WDR72: variants seen among roughly 807,000 people sequenced by gnomAD.
WDR72 encodes WD repeat domain 72.
In WDR72, 120 loss-of-function variants were observed where a neutral mutation model predicts 124.2. The ratio of observed to expected loss-of-function variants is 0.97; its 90% CI spans 0.83 to 1.12. The LOEUF (loss-of-function observed/expected upper bound fraction) is 1.12. Among genes scored for constraint, WDR72 ranks in the 50% most tolerant of loss-of-function variants. The probability of loss-of-function intolerance (pLI) is 0.00; values close to 1 mark genes in which losing one functional copy is unlikely to be tolerated. For missense variants in WDR72, 1,387 were observed against 1,278.8 expected, an observed-to-expected ratio of 1.08 and a Z score of -1.29; for synonymous variants, 452 against 441.7, an observed-to-expected ratio of 1.02 and a Z score of -0.29.
At chr15:53,531,426 C>T (rs991309057) in intron 18 of WDR72, among the ~76,000 whole-genome samples, 1 of 152,018 alleles carries the variant, frequency 6.6e-6, no homozygotes, top group Non-Finnish European at 1.5e-5. Context: ...TGTAGGCACT[C>T]ATTTAAAAGT....
chr15:53,750,629 C>T (rs1288493851), intron 1 of WDR72, among the ~76,000 whole-genome samples: 1 of 152,112 alleles, frequency 6.6e-6, no homozygotes, highest in Non-Finnish European at 1.5e-5. Context: ...TGGACAAAGT[C>T]AATTGAAAAC....
rs1289979189 is a variant in WDR72 at position 53,733,292 on chromosome 15, G to A, written c.-12-131C>T. The A allele has an allele frequency of 1.1e-5, 11 of 967,036 alleles. No homozygotes were observed. In the South Asian group the frequency reaches 1.6e-4, roughly 14 times the overall value. 59.9% of individuals were successfully genotyped at this position (967,036 alleles called of 1,614,324 possible). Reference sequence around the variant, plus strand: ...TTCTCCCAGTGCTATGGAAAAGGGTGTTTCCCCGTCAATTAGAAGAGAAAG... The same window carrying A: ...TTCTCCCAGTGCTATGGAAAAGGGTATTTCCCCGTCAATTAGAAGAGAAAG... On this transcript the variant is annotated intron_variant, in intron 1 of 19. Transcript: ENST00000360509.
At chr15:53,549,655 C>A (rs1402933566) in intron 18 of WDR72, among the ~76,000 whole-genome samples, 1 of 151,968 alleles carries the variant, frequency 6.6e-6, no homozygotes, top group Admixed American at 6.6e-5. Flanking sequence ...ACTAAAGGAA[C>A]ATTTCAATGG....
chr15:53,714,727 C>T (rs1416455158), intron 5 of WDR72, among the ~76,000 whole-genome samples: 2 of 152,172 alleles, frequency 1.3e-5, no homozygotes, highest in Non-Finnish European at 2.9e-5. Context: ...AAGAGCACCA[C>T]TAGAAGCAGA....
At chr15:53,690,667 G>A (rs527630531) in intron 13 of WDR72, among the ~76,000 whole-genome samples, 50 of 152,292 alleles carry the variant, frequency 3.3e-4, no homozygotes, top group Admixed American at 2.6e-4. Context: ...ATTATGATTT[G>A]TTAGATTAAC....
intron 18 of WDR72, among the ~76,000 whole-genome samples, chr15:53,553,171 T>C (rs1312435683): frequency 6.6e-6 from 1 of 152,172 alleles, no homozygotes; most frequent in Admixed American, 6.5e-5. Flanking sequence ...TTTTATTATC[T>C]GGCAAGATAG....
intron 19 of WDR72, among the ~76,000 whole-genome samples, chr15:53,519,497 G>C (rs904244287): frequency 6.6e-6 from 1 of 152,082 alleles, no homozygotes; most frequent in African/African-American, 2.4e-5. Context: ...CAGTGAAGGA[G>C]CAAGTAGACT....
intron 18 of WDR72, among the ~76,000 whole-genome samples, chr15:53,573,655 C>G (rs946801028): frequency 6.6e-6 from 1 of 152,128 alleles, no homozygotes. Flanking sequence ...AAGCGATGCT[C>G]CTGCCTCAGC....
chr15:53,707,895 C>G (rs544771055), intron 9 of WDR72, among the ~76,000 whole-genome samples: 1 of 152,246 alleles, frequency 6.6e-6, no homozygotes, highest in Non-Finnish European at 1.5e-5. Context: ...GTTCCAACTC[C>G]CTGGTTATTC....
rs184165819 is a variant in WDR72, at chr15:53,515,028, C to G, written c.*2671G>C. The G allele has an allele frequency of 9.4e-5, 13 of 137,834 alleles. No homozygotes were observed. The East Asian group carries it at 2.6e-3, about 28-fold the overall frequency. 8.5% of individuals were successfully genotyped at this position (137,834 alleles called of 1,614,324 possible). On this transcript the variant is annotated 3_prime_UTR_variant, in exon 20 of 20. Transcript: ENST00000360509. Reference sequence around the variant, plus strand: ...TATGCCATATATATATATATATACACACATATATATGTGTATATATATGTG... The same window carrying G: ...TATGCCATATATATATATATATACAGACATATATATGTGTATATATATGTG...
At chr15:53,634,256 C>A (rs1158928005) in intron 14 of WDR72, among the ~76,000 whole-genome samples, 2 of 152,152 alleles carry the variant, frequency 1.3e-5, no homozygotes, top group African/African-American at 4.8e-5. Flanking sequence ...GAGGAACAAA[C>A]AACACTACAG....
Position 53,643,686 on chromosome 15 carries a change from C to T in WDR72, c.1962+21886G>A, listed in dbSNP as rs114851494. Among the ~76,000 whole-genome samples, 1,456 of 152,012 alleles carry T rather than the reference C, an allele frequency of 9.6e-3. 33 individuals are homozygous for T. Among genetic ancestry groups the T allele is most frequent in the African/African-American group, 0.034 (1,404 of 41,458 alleles). On this transcript the variant is annotated intron_variant, in intron 14 of 19. Transcript: ENST00000360509. Reference sequence around the variant, plus strand: ...ACCTAGGGCTAGTCTCAGAATAATCCCAGATATTGTTTGCTTAAGTTAAAA... The same window carrying T: ...ACCTAGGGCTAGTCTCAGAATAATCTCAGATATTGTTTGCTTAAGTTAAAA...
chr15:53,649,933 G>A (rs1429154611), intron 14 of WDR72, among the ~76,000 whole-genome samples: 1 of 152,140 alleles, frequency 6.6e-6, no homozygotes, highest in Non-Finnish European at 1.5e-5. Flanking sequence ...TCCAGCAATC[G>A]ACTTCTGGGT....
intron 12 of WDR72, among the ~76,000 whole-genome samples, chr15:53,701,085 GT>G (rs944198918): frequency 6.6e-6 from 1 of 151,916 alleles, no homozygotes; most frequent in Non-Finnish European, 1.5e-5. Flanking sequence ...GGTTGTTCAT[GT>G]TTTTTTTAAG....
intron 1 of WDR72, among the ~76,000 whole-genome samples, chr15:53,736,424 G>A (rs543373373): frequency 6.6e-6 from 1 of 152,304 alleles, no homozygotes; most frequent in South Asian, 2.1e-4. Context: ...ATTGGAGCAG[G>A]AACAAGTGAG....
chr15:53,663,929 T>G (rs2015691785), intron 14 of WDR72, among the ~76,000 whole-genome samples: 1 of 140,662 alleles, frequency 7.1e-6, no homozygotes, highest in Admixed American at 6.7e-5. Context: ...AAGTTAAGAA[T>G]AGGAAAAATA....
intron 1 of WDR72, among the ~76,000 whole-genome samples, chr15:53,757,162 C>T (rs2018930662): frequency 6.6e-6 from 1 of 152,148 alleles, no homozygotes; most frequent in East Asian, 1.9e-4. Context: ...TGGGCCTAGA[C>T]CTCAGTGCAC....
chr15:53,550,678 G>C (rs1893692452), intron 18 of WDR72, among the ~76,000 whole-genome samples: 1 of 152,194 alleles, frequency 6.6e-6, no homozygotes, highest in African/African-American at 2.4e-5. Flanking sequence ...GAGACTTGCT[G>C]TATAACATTA....
chr15:53,704,548 G>C (rs889043709), intron 11 of WDR72, among the ~76,000 whole-genome samples: 1 of 151,356 alleles, frequency 6.6e-6, no homozygotes, highest in African/African-American at 2.4e-5. Context: ...TTGAGATGGA[G>C]TGGAGTCTTG....
Sources: allele counts gnomAD v4.1 joint callset (sites outside exome capture counted in the v4.1 genomes callset), GRCh38; gene constraint gnomAD v4.1.1; transcripts MANE v1.5; gene names NCBI Gene and HGNC (gene_info 2026-07-23, HGNC 2026-07-21).